The following GSG1L variants were observed in gnomAD, a reference collection of about 807,000 sequenced individuals.
GSG1L encodes the protein germ cell-specific gene 1-like protein.
In GSG1L, 24 loss-of-function variants were observed where a neutral mutation model predicts 42.1. The observed-to-expected ratio is 0.57, with a 90% CI of 0.41 to 0.80. GSG1L has a LOEUF of 0.80. GSG1L is among the 30% of genes least tolerant of loss of function. GSG1L has a pLI of 0.00. For synonymous variants in GSG1L, 215 were observed against 203.5 expected (o/e 1.06, Z -0.48); for missense variants, 445 against 472.2 (o/e 0.94, Z 0.53).
At chr16:28,013,616 C>T (rs2085749211) in intron 1 of GSG1L, among the ~76,000 whole-genome samples, 1 of 152,198 alleles carries the variant, frequency 6.6e-6, no homozygotes, top group African/African-American at 2.4e-5. Flanking sequence ...TGCCAGGTGC[C>T]ACACAGGACA....
At chr16:27,814,358 C>A (rs1418251052) in intron 5 of GSG1L, among the ~76,000 whole-genome samples, 1 of 152,098 alleles carries the variant, frequency 6.6e-6, no homozygotes, top group Non-Finnish European at 1.5e-5. Context: ...GTGATTCTCC[C>A]ACCTTGGCCT....
At chr16:28,008,562 T>C (rs1261966098) in intron 1 of GSG1L, among the ~76,000 whole-genome samples, 1 of 152,110 alleles carries the variant, frequency 6.6e-6, no homozygotes, top group African/African-American at 2.4e-5. Flanking sequence ...CTGCCTCCCC[T>C]CTCACTCCCT....
intron 2 of GSG1L, among the ~76,000 whole-genome samples, chr16:27,898,682 CT>C: frequency 6.6e-6 from 1 of 151,694 alleles, no homozygotes; most frequent in Middle Eastern, 3.4e-3. Flanking sequence ...CTTTCTCTCT[CT>C]CTCTCTCTCT....
intron 1 of GSG1L, among the ~76,000 whole-genome samples, chr16:27,990,715 G>C (rs2085446193): frequency 6.6e-6 from 1 of 152,190 alleles, no homozygotes; most frequent in East Asian, 1.9e-4. Context: ...CTGTGACTTG[G>C]CTTCCTAAAT....
intron 1 of GSG1L, among the ~76,000 whole-genome samples, chr16:27,994,282 T>C (rs1308077830): frequency 6.6e-6 from 1 of 151,700 alleles, no homozygotes; most frequent in African/African-American, 2.4e-5. Flanking sequence ...TGGGCCAGTG[T>C]TTTCTCAGGT....
chr16:27,900,718 G>A (rs1344152911), intron 2 of GSG1L, among the ~76,000 whole-genome samples: 2 of 152,070 alleles, frequency 1.3e-5, no homozygotes, highest in African/African-American at 4.8e-5. Flanking sequence ...ATCTGGTGAA[G>A]CCTCATGGAC....
At chr16:27,850,226 A>G (rs979313254) in intron 3 of GSG1L, among the ~76,000 whole-genome samples, 5 of 151,270 alleles carry the variant, frequency 3.3e-5, no homozygotes, top group Admixed American at 2.6e-4. Flanking sequence ...CAGGGGTTTC[A>G]CCATGTTAGT....
At chr16:27,927,235 G>A (rs1181974265) in intron 2 of GSG1L, among the ~76,000 whole-genome samples, 2 of 151,828 alleles carry the variant, frequency 1.3e-5, no homozygotes, top group South Asian at 2.1e-4. Flanking sequence ...CTGCAGCCTC[G>A]ACTTCCCAGG....
chr16:27,845,052 C>A lies in GSG1L; in HGVS notation c.560G>T (p.Gly187Val). 1.2e-6 allele frequency: 2 copies of A among 1,612,324 alleles called. No homozygotes were observed. The highest frequency in any genetic ancestry group is 1.7e-6 in the Non-Finnish European group (2 of 1,178,824). ...CGTGTACATCATGTGGGCGACCATTCCCAGGAGGCCTGTGGGGCAGAGAGC... is the reference window on the plus strand; with the variant it reads ...CGTGTACATCATGTGGGCGACCATTACCAGGAGGCCTGTGGGGCAGAGAGC... ...AVFTVLSGLL[G>V]MVAHMMYTQV... The change falls in exon 4 of 7, where the codon GGA becomes GTA. Residue 187 changes from glycine to valine, a missense_variant. By Grantham distance (109) the Gly-to-Val change is moderately radical. This residue lies in a region of GSG1L where 149 missense variants were observed against 223.3 expected (regional missense o/e 0.67). Transcript: ENST00000447459.
Position 27,953,519 on chromosome 16 carries a change from G to C in GSG1L, c.397+9637C>G, listed in dbSNP as rs367592692. Among the ~76,000 whole-genome samples, 5 of 152,314 alleles carry C rather than the reference G, an allele frequency of 3.3e-5. No individual in the cohort carries two copies. In the East Asian group the frequency reaches 5.8e-4, roughly 18 times the overall value. Reference sequence around the variant, plus strand: ...GAGAGATTATTGTCATGGCAGGAGAGATGTGATGAGAAGCAGAAAGGGGCT... The same window carrying C: ...GAGAGATTATTGTCATGGCAGGAGACATGTGATGAGAAGCAGAAAGGGGCT... On this transcript the variant is annotated intron_variant, in intron 2 of 6. Transcript: ENST00000447459.
chr16:27,792,472 T>C (rs185414631), intron 6 of GSG1L, among the ~76,000 whole-genome samples: 192 of 152,294 alleles, frequency 1.3e-3, no homozygotes, highest in African/African-American at 4.3e-3. Context: ...TTGTCACCCC[T>C]CAAGTGTCTC....
intron 3 of GSG1L, among the ~76,000 whole-genome samples, chr16:27,854,127 C>T (rs2083545845): frequency 6.6e-6 from 1 of 151,456 alleles, no homozygotes; most frequent in African/African-American, 2.4e-5. Flanking sequence ...CTTCCCCTTC[C>T]ACCTGGAGAT....
intron 3 of GSG1L, among the ~76,000 whole-genome samples, chr16:27,852,146 C>T (rs1027426401): frequency 1.3e-5 from 2 of 152,214 alleles, no homozygotes; most frequent in African/African-American, 2.4e-5. Context: ...ACTGAGAACA[C>T]GCAGTGAGCA....
chr16:28,012,948 G>A (rs577753961), intron 1 of GSG1L, among the ~76,000 whole-genome samples: 8 of 150,732 alleles, frequency 5.3e-5, no homozygotes, highest in Non-Finnish European at 1.0e-4. Flanking sequence ...CAAGTGCCCA[G>A]GTGCAGTGGC....
intron 6 of GSG1L, among the ~76,000 whole-genome samples, chr16:27,795,292 G>A (rs2082805940): frequency 6.6e-6 from 1 of 152,198 alleles, no homozygotes; most frequent in African/African-American, 2.4e-5. Context: ...AGTATGAAAA[G>A]GGTTTTTGCT....
intron 3 of GSG1L, among the ~76,000 whole-genome samples, chr16:27,871,285 G>A (rs2083817443): frequency 6.6e-6 from 1 of 152,188 alleles, no homozygotes; most frequent in South Asian, 2.1e-4. Flanking sequence ...ATCTGGTCCA[G>A]GAGGTCCGTA....
rs201172768 is a variant in GSG1L, at chr16:27,807,538, C to T, written c.847G>A (p.Gly283Arg). 154 of 1,612,368 alleles carry T rather than the reference C, an allele frequency of 9.6e-5. No individual in the cohort carries two copies. Among genetic ancestry groups the T allele is most frequent in the African/African-American group, 2.7e-4 (20 of 74,960 alleles). ...TCTAAGTGAAAGTCCTCCTCGCTCC[C>T]GTCCCTCTTCTCCATCCTGGAAAGA... ...YFRERMEKRD[G>R]SEEDFHLDCR... Residue 283 changes from glycine to arginine, a missense_variant, in exon 6 of 7, where the codon GGG (glycine) becomes AGG (arginine). By Grantham distance (125) the Gly-to-Arg change is moderately radical. This residue lies in a region of GSG1L where 140 missense variants were observed against 120.6 expected (regional missense o/e 1.16). Coordinates refer to ENST00000447459, the MANE Select transcript of GSG1L (RefSeq NM_001109763.2).
chr16:27,927,636 C>A (rs1182595980), intron 2 of GSG1L, among the ~76,000 whole-genome samples: 1 of 152,192 alleles, frequency 6.6e-6, no homozygotes, highest in Non-Finnish European at 1.5e-5. Context: ...CCCACCTCTG[C>A]CCTAAGTTCC....
intron 2 of GSG1L, among the ~76,000 whole-genome samples, chr16:27,959,026 T>C (rs2085037279): frequency 6.6e-6 from 1 of 152,106 alleles, no homozygotes; most frequent in African/African-American, 2.4e-5. Flanking sequence ...TACTGTGATA[T>C]AACAAAAAAC....
Sources: allele counts gnomAD v4.1 joint callset (sites outside exome capture counted in the v4.1 genomes callset), GRCh38; gene constraint gnomAD v4.1.1; regional missense constraint gnomAD v4.1.1; transcripts MANE v1.5; gene names NCBI Gene and HGNC (gene_info 2026-07-23, HGNC 2026-07-21).